The following PCCA variants were observed in gnomAD, a reference collection of about 807,000 sequenced individuals.
PCCA encodes the protein propionyl-CoA carboxylase alpha chain, mitochondrial.
In PCCA, 74 loss-of-function variants were observed where a neutral mutation model predicts 101.3. The ratio of observed to expected loss-of-function variants is 0.73; its 90% CI spans 0.61 to 0.89. The LOEUF is 0.89. Among genes scored for constraint, PCCA ranks in the 40% least tolerant of loss-of-function variants. The pLI, the probability that PCCA is intolerant of heterozygous loss-of-function variation, is 0.00. For missense variants in PCCA, 891 were observed against 907.0 expected, an observed-to-expected ratio of 0.98 and a Z score of 0.23; for synonymous variants, 294 against 313.6, an observed-to-expected ratio of 0.94 and a Z score of 0.66.
rs1316230028 is a variant in PCCA at position 100,118,138 on chromosome 13, AAAG to A, written c.300+6080_300+6082del. On this transcript the variant is annotated intron_variant, in intron 4 of 23. Transcript: ENST00000376285. ...CTCAAAAAAAAAGAAAAAAAAAAAA[AAAG>A]AAAATAAGTTACAGACATTGTGGCA... Among the ~76,000 whole-genome samples, 892 of 150,858 alleles carry A rather than the reference AAAG, an allele frequency of 5.9e-3. 9 individuals are homozygous for A. The highest frequency in any genetic ancestry group is 0.015 in the African/African-American group (600 of 40,610).
chr13:100,172,048 A>AC (rs1162834332), intron 6 of PCCA, among the ~76,000 whole-genome samples: 4 of 150,868 alleles, frequency 2.7e-5, no homozygotes, highest in Admixed American at 1.3e-4. Flanking sequence ...AAAAAAAAAA[A>AC]ATATTAGCTG....
chr13:100,506,795 TTG>T (rs1348141597), intron 21 of PCCA, among the ~76,000 whole-genome samples: 13 of 152,142 alleles, frequency 8.5e-5, no homozygotes, highest in African/African-American at 3.1e-4. Context: ...AGGAAGAGGG[TTG>T]GGCACCGTCG....
intron 19 of PCCA, among the ~76,000 whole-genome samples, chr13:100,416,044 G>A (rs892720624): frequency 2.6e-5 from 4 of 152,116 alleles, no homozygotes; most frequent in African/African-American, 9.7e-5. Context: ...TAGGAAAATC[G>A]AATGTTCCAA....
intron 21 of PCCA, among the ~76,000 whole-genome samples, chr13:100,494,836 C>T (rs1466558689): frequency 6.6e-6 from 1 of 152,136 alleles, no homozygotes; most frequent in Non-Finnish European, 1.5e-5. Context: ...TTGTGACATC[C>T]CTACTTCTGG....
chr13:100,520,657 AGAGTTG>A (rs1324211554), intron 22 of PCCA, among the ~76,000 whole-genome samples: 1 of 149,152 alleles, frequency 6.7e-6, no homozygotes, highest in African/African-American at 2.5e-5. Flanking sequence ...AAAAAAAAAA[AGAGTTG>A]GTTTTTGTTG....
intron 21 of PCCA, among the ~76,000 whole-genome samples, chr13:100,510,060 T>A (rs2086364401): frequency 6.6e-6 from 1 of 152,222 alleles, no homozygotes; most frequent in Non-Finnish European, 1.5e-5. Context: ...TCCACATACC[T>A]ATTATTTGGA....
intron 10 of PCCA, among the ~76,000 whole-genome samples, chr13:100,263,982 CAT>C (rs975264713): frequency 2.1e-5 from 3 of 143,488 alleles, no homozygotes; most frequent in African/African-American, 7.7e-5. Flanking sequence ...ATCTGTATGT[CAT>C]ATATACGGTA....
chr13:100,520,614 G>C (rs1400248092), intron 22 of PCCA, among the ~76,000 whole-genome samples: 2 of 114,212 alleles, frequency 1.8e-5, no homozygotes, highest in African/African-American at 6.9e-5. Context: ...CAGCCTGGGC[G>C]ACAGAGCGAG....
chr13:100,438,380 C>T (rs1260072472), intron 20 of PCCA, among the ~76,000 whole-genome samples: 2 of 151,848 alleles, frequency 1.3e-5, no homozygotes, highest in Non-Finnish European at 2.9e-5. Flanking sequence ...TCCTGGACTC[C>T]AGTGATCATC....
intron 4 of PCCA, among the ~76,000 whole-genome samples, chr13:100,139,634 A>T (rs2051620439): frequency 6.6e-6 from 1 of 151,986 alleles, no homozygotes; most frequent in South Asian, 2.1e-4. Context: ...CATTTGTTTC[A>T]AGAGTGTTCA....
chr13:100,284,164 G>A (rs1396198643), intron 12 of PCCA, among the ~76,000 whole-genome samples: 7 of 152,242 alleles, frequency 4.6e-5, no homozygotes, highest in African/African-American at 1.7e-4. Context: ...GGGACAGCCT[G>A]TAACCAGGTA....
At chr13:100,459,787 C>T (rs1414061171) in intron 21 of PCCA, among the ~76,000 whole-genome samples, 1 of 152,216 alleles carries the variant, frequency 6.6e-6, no homozygotes, top group African/African-American at 2.4e-5. Flanking sequence ...ATGTTTATTT[C>T]TCACAGTTCT....
intron 20 of PCCA, among the ~76,000 whole-genome samples, chr13:100,437,809 C>T (rs1393548271): frequency 1.3e-5 from 2 of 152,094 alleles, no homozygotes; most frequent in Non-Finnish European, 2.9e-5. Context: ...GCTGGGACTA[C>T]AGGCACCTGC....
intron 18 of PCCA, among the ~76,000 whole-genome samples, chr13:100,360,192 C>T (rs749843125): frequency 4.9e-4 from 74 of 149,596 alleles, no homozygotes; most frequent in Non-Finnish European, 9.6e-4. Context: ...TTTTCTTTAA[C>T]CATCAGATCT....
intron 16 of PCCA, among the ~76,000 whole-genome samples, chr13:100,313,421 T>C (rs1282870852): frequency 6.6e-6 from 1 of 152,008 alleles, no homozygotes; most frequent in Non-Finnish European, 1.5e-5. Flanking sequence ...GAGGCTAGGG[T>C]TTTTAAAGAA....
chr13:100,306,112 C>T (rs1418828191), intron 14 of PCCA, among the ~76,000 whole-genome samples: 2 of 152,132 alleles, frequency 1.3e-5, no homozygotes, highest in Non-Finnish European at 2.9e-5. Flanking sequence ...ACATGTGGTC[C>T]CTTGATAATT....
chr13:100,216,547 C>CA, intron 7 of PCCA, among the ~76,000 whole-genome samples: 1 of 152,288 alleles, frequency 6.6e-6, no homozygotes, highest in East Asian at 1.9e-4. Flanking sequence ...AGTCAATGCT[C>CA]AGTCAGTGCT....
chr13:100,461,940 C>T (rs1407475300), intron 21 of PCCA, among the ~76,000 whole-genome samples: 1 of 152,194 alleles, frequency 6.6e-6, no homozygotes, highest in Non-Finnish European at 1.5e-5. Flanking sequence ...AGGGCTTCCT[C>T]CCTGCTCGGT....
At chr13:100,193,808 G>A (rs752962957) in intron 6 of PCCA, among the ~76,000 whole-genome samples, 1 of 152,102 alleles carries the variant, frequency 6.6e-6, no homozygotes, top group African/African-American at 2.4e-5. Context: ...GTCCGGGTGC[G>A]GTGGCTCATG....
Sources: gnomAD v4.1 joint callset for allele counts (sites outside exome capture counted in the v4.1 genomes callset) on GRCh38, gnomAD v4.1.1 for gene constraint, MANE v1.5 for transcripts, NCBI Gene and HGNC (gene_info 2026-07-23, HGNC 2026-07-21) for gene names.